CHST3: variants seen among roughly 807,000 people sequenced by gnomAD.
The protein encoded by CHST3 is carbohydrate sulfotransferase 3.
CHST3 carries 20 observed loss-of-function variants against 35.4 expected under a neutral mutation model. The ratio of observed to expected loss-of-function variants is 0.57; its 90% CI spans 0.40 to 0.82. CHST3 has a LOEUF of 0.82. Among genes scored for constraint, CHST3 ranks in the 40% least tolerant of loss-of-function variants. CHST3 has a pLI of 0.00. For missense variants in CHST3, 693 were observed against 670.1 expected (o/e 1.03, Z -0.38); for synonymous variants, 334 against 295.9 (o/e 1.13, Z -1.32).
Position 71,980,927 on chromosome 10 carries a change from G to A in CHST3, c.-108+16233G>A, listed in dbSNP as rs200251671. Among the ~76,000 whole-genome samples, 7 of 152,274 alleles carry A rather than the reference G, an allele frequency of 4.6e-5. No individual in the cohort carries two copies. In the East Asian group the frequency reaches 1.4e-3, roughly 29 times the overall value. On this transcript the variant is annotated intron_variant, in intron 1 of 2. Transcript: ENST00000373115. Reference sequence around the variant, plus strand: ...ATATAAAGTGTTGCATGTAGAAAAGGCCTGCTAAGCAAAGGGACATTTATG... The same window carrying A: ...ATATAAAGTGTTGCATGTAGAAAAGACCTGCTAAGCAAAGGGACATTTATG...
Position 72,005,851 on chromosome 10 carries a change from A to G in CHST3, c.9A>G (p.Lys3=), listed in dbSNP as rs1225275066. ...CGGCCCCACCTTTCCCCATGGAGAA[A>G]GGACTCACTTTGCCCCAGGACTGCC... The part of the protein sequence containing the change: ME[K]GLTLPQDCRD... Residue 3 remains lysine (K), a synonymous_variant, in exon 2 of 3, where the codon AAA becomes AAG. Coordinates refer to ENST00000373115, the MANE Select transcript of CHST3 (RefSeq NM_004273.5). 1.9e-6 allele frequency: 3 copies of G among 1,614,124 alleles called. No individual in the cohort carries two copies. Among genetic ancestry groups the G allele is most frequent in the East Asian group, 4.5e-5 (2 of 44,904 alleles).
At chr10:71,973,972 G>A (rs566382790) in intron 1 of CHST3, among the ~76,000 whole-genome samples, 1 of 152,180 alleles carries the variant, frequency 6.6e-6, no homozygotes, top group African/African-American at 2.4e-5. Flanking sequence ...CTGCCTTCAC[G>A]GGAACCCCAA....
At chr10:72,004,662 G>A (rs1003102326) in intron 1 of CHST3, among the ~76,000 whole-genome samples, 3 of 152,152 alleles carry the variant, frequency 2.0e-5, no homozygotes, top group Admixed American at 1.3e-4. Flanking sequence ...CAGGCCTTGC[G>A]TTTTCCTGCA....
At chr10:71,975,847 G>A (rs562386767) in intron 1 of CHST3, among the ~76,000 whole-genome samples, 1 of 152,268 alleles carries the variant, frequency 6.6e-6, no homozygotes, top group Non-Finnish European at 1.5e-5. Flanking sequence ...GCCCTGTGCA[G>A]AATGACATCC....
rs1840072875 is a variant in CHST3, at chr10:72,008,468, G to A, written c.1437G>A (p.Thr479=). The A allele has an allele frequency of 7.8e-6, 12 of 1,540,478 alleles. No individual in the cohort carries two copies. The highest frequency in any genetic ancestry group is 6.1e-5 in the South Asian group (5 of 82,416). The stretch of plus-strand genomic sequence containing the variant: ...AGGAGAGGGGCACCTTCTGGGTCAC[G>A]TAGGGGGGCCGGGGCCCCGTATGCC... ...LLEERGTFWV[T] is the part of the protein sequence containing the mutation. The change falls in exon 3 of 3, where the codon ACG becomes ACA. Residue 479 remains threonine, a synonymous_variant. Coordinates refer to ENST00000373115, the MANE Select transcript of CHST3 (RefSeq NM_004273.5).
intron 1 of CHST3, among the ~76,000 whole-genome samples, chr10:71,982,334 C>G (rs1839808383): frequency 6.6e-6 from 1 of 152,240 alleles, no homozygotes; most frequent in African/African-American, 2.4e-5. Flanking sequence ...AAGCAGATAG[C>G]CTCCAGAAGC....
chr10:71,978,235 C>G (rs1268879799), intron 1 of CHST3, among the ~76,000 whole-genome samples: 1 of 152,148 alleles, frequency 6.6e-6, no homozygotes, highest in Non-Finnish European at 1.5e-5. Context: ...GACGTGGTGG[C>G]AGGCGGCTGT....
chr10:72,008,600 C>T lies in CHST3; in HGVS notation c.*129C>T. ...CTCCTGTAGCAGTAGGGCCCCCAGC[C>T]AGCGCTCCAGCCAAAGCGGCGGCCC... On this transcript the variant is annotated 3_prime_UTR_variant, in exon 3 of 3. Coordinates refer to ENST00000373115, the MANE Select transcript of CHST3 (RefSeq NM_004273.5). The T allele has an allele frequency of 2.1e-6, 3 of 1,429,186 alleles. No homozygotes were observed. The highest frequency in any genetic ancestry group is 2.7e-6 in the Non-Finnish European group (3 of 1,094,728). The allele number at this position is 1,429,186 out of a possible 1,614,324, so 88.5% of individuals were successfully genotyped here.
intron 1 of CHST3, among the ~76,000 whole-genome samples, chr10:71,979,377 G>GA (rs1839778582): frequency 1.3e-5 from 2 of 152,154 alleles, no homozygotes; most frequent in East Asian, 3.8e-4. Flanking sequence ...GGAGTCTCGG[G>GA]AGGGGGGTTA....
chr10:71,997,269 G>C (rs980009649), intron 1 of CHST3, among the ~76,000 whole-genome samples: 12 of 152,052 alleles, frequency 7.9e-5, no homozygotes, highest in Admixed American at 2.6e-4. Flanking sequence ...TGATTTTGGC[G>C]CTCTGGGTAC....
chr10:72,012,010 G>A lies in CHST3; in HGVS notation c.*3539G>A, dbSNP rs1280555895. The A allele has an allele frequency of 1.3e-5, 2 of 152,338 alleles. No homozygotes were observed. The highest frequency in any genetic ancestry group is 3.9e-4 in the East Asian group (2 of 5,190). 9.4% of individuals were successfully genotyped at this position (152,338 alleles called of 1,614,324 possible). ...TTTTCCAAAAGCTGAGGAACATAAA[G>A]CAAATTTAGGCTTTTGTCCTTCTGC... On this transcript the variant is annotated 3_prime_UTR_variant, in exon 3 of 3. Transcript: ENST00000373115.
chr10:71,981,480 G>A (rs1195128264), intron 1 of CHST3, among the ~76,000 whole-genome samples: 1 of 152,208 alleles, frequency 6.6e-6, no homozygotes, highest in African/African-American at 2.4e-5. Context: ...ACAATGGCCC[G>A]TTGATGACTA....
At chr10:72,002,714 C>T (rs1840005025) in intron 1 of CHST3, among the ~76,000 whole-genome samples, 1 of 152,218 alleles carries the variant, frequency 6.6e-6, no homozygotes, top group Non-Finnish European at 1.5e-5. Flanking sequence ...ACTCTGAAAA[C>T]TCAGTGGTGG....
chr10:71,987,912 G>A (rs780553294), intron 1 of CHST3, among the ~76,000 whole-genome samples: 1 of 152,058 alleles, frequency 6.6e-6, no homozygotes, highest in Non-Finnish European at 1.5e-5. Flanking sequence ...TTCTCTACCC[G>A]GTTATCTCAG....
At chr10:71,993,628 G>A (rs925168267) in intron 1 of CHST3, among the ~76,000 whole-genome samples, 1 of 152,166 alleles carries the variant, frequency 6.6e-6, no homozygotes, top group African/African-American at 2.4e-5. Flanking sequence ...ACTGTCTATT[G>A]CAGCTATAGC....
At chr10:71,980,034 C>T (rs931401147) in intron 1 of CHST3, among the ~76,000 whole-genome samples, 4 of 152,142 alleles carry the variant, frequency 2.6e-5, no homozygotes, top group African/African-American at 7.2e-5. Flanking sequence ...ATGACTGTAT[C>T]GGATGGGGAA....
Position 72,007,637 on chromosome 10 carries a change from G to A in CHST3, c.606G>A (p.Val202=). The part of the protein sequence containing the change: ...LKQLFLCDLY[V]LEHFITPLPE... Reference sequence around the variant, plus strand: ...AGCTCTTCCTGTGCGACCTGTACGTGCTGGAGCACTTCATCACGCCGCTGC... The same window carrying A: ...AGCTCTTCCTGTGCGACCTGTACGTACTGGAGCACTTCATCACGCCGCTGC... The change falls in exon 3 of 3, where the codon GTG becomes GTA. Residue 202 remains valine, a synonymous_variant. Transcript: ENST00000373115. 6.2e-7 allele frequency: 1 copy of A among 1,610,012 alleles called. No individual in the cohort carries two copies.
rs536461305 is a variant in CHST3, at chr10:71,970,468, C to T, written c.-108+5774C>T. ...CCAGCCCGGGATGTTCTTATTTGGC[C>T]TCTGTGGTTACACCTGCCCCCTCCC... On this transcript the variant is annotated intron_variant, in intron 1 of 2. Transcript: ENST00000373115. Among the ~76,000 whole-genome samples the T allele has an allele frequency of 6.4e-4, 97 of 152,304 alleles. 1 individual carries two copies. The South Asian group carries it at 0.019, about 30-fold the overall frequency.
chr10:72,000,260 A>T (rs955606165), intron 1 of CHST3, among the ~76,000 whole-genome samples: 1 of 152,234 alleles, frequency 6.6e-6, no homozygotes, highest in Non-Finnish European at 1.5e-5. Flanking sequence ...GCAAGTATTT[A>T]TGAAGCACCC....
Sources: allele counts gnomAD v4.1 joint callset (sites outside exome capture counted in the v4.1 genomes callset), GRCh38; gene constraint gnomAD v4.1.1; transcripts MANE v1.5; gene names NCBI Gene and HGNC (gene_info 2026-07-23, HGNC 2026-07-21).